CNOT9: variants seen among roughly 807,000 people sequenced by gnomAD.
CNOT9 encodes the protein CCR4-NOT transcription complex subunit 9.
In CNOT9, 8 loss-of-function variants were observed where a neutral mutation model predicts 37.4. The ratio of observed to expected loss-of-function variants is 0.21; its 90% CI spans 0.13 to 0.39. The LOEUF is 0.39. CNOT9 is among the 10% of genes least tolerant of loss of function. The probability of loss-of-function intolerance (pLI) is 1.00; values close to 1 mark genes in which losing one functional copy is unlikely to be tolerated. For synonymous variants in CNOT9, 120 were observed against 137.6 expected, an observed-to-expected ratio of 0.87 and a Z score of 0.90; for missense variants, 154 against 365.3, an observed-to-expected ratio of 0.42 and a Z score of 4.71.
intron 1 of CNOT9, among the ~76,000 whole-genome samples, chr2:218,574,794 G>A (rs1480494141): frequency 6.6e-6 from 1 of 152,148 alleles, no homozygotes; most frequent in African/African-American, 2.4e-5. Flanking sequence ...GCTGAGTATG[G>A]GGTTTACTGA....
At chr2:218,585,639 T>TTCTTTA (rs1694564285) in intron 4 of CNOT9, among the ~76,000 whole-genome samples, 1 of 40,712 alleles carries the variant, frequency 2.5e-5, no homozygotes, top group Non-Finnish European at 1.9e-4. Flanking sequence ...TTTTATTTTA[T>TTCTTTA]TTTTTTTTTT....
At chr2:218,589,430 G>A (rs1574996662) in intron 5 of CNOT9, 1 of 152,034 alleles carries the variant, frequency 6.6e-6, no homozygotes, top group Non-Finnish European at 1.5e-5. Context: ...GACCTCCTAG[G>A]TTCAGTTGAT....
chr2:218,580,831 A>T, intron 2 of CNOT9, 91 bp downstream of exon 2: 1 of 1,212,076 alleles, frequency 8.3e-7, no homozygotes, highest in Non-Finnish European at 1.2e-6. Context: ...AGACTTTAGG[A>T]GGATGATTCT....
chr2:218,576,908 A>G (rs1694189046), intron 1 of CNOT9, among the ~76,000 whole-genome samples: 1 of 151,702 alleles, frequency 6.6e-6, no homozygotes, highest in Non-Finnish European at 1.5e-5. Flanking sequence ...CGGAGGTTGC[A>G]GTAAGCTGAG....
At chr2:218,575,992 TGTC>T (rs1487647351) in intron 1 of CNOT9, among the ~76,000 whole-genome samples, 1 of 152,186 alleles carries the variant, frequency 6.6e-6, no homozygotes, top group African/African-American at 2.4e-5. Flanking sequence ...ATCTGCCTGT[TGTC>T]TGCCCATGGT....
intron 5 of CNOT9, among the ~76,000 whole-genome samples, chr2:218,589,477 T>C (rs181078249): frequency 2.6e-5 from 4 of 152,276 alleles, no homozygotes; most frequent in Non-Finnish European, 5.9e-5. Context: ...TGGGACCACA[T>C]GCCTGCTCCA....
chr2:218,569,790 A>G (rs1693910981), intron 1 of CNOT9, among the ~76,000 whole-genome samples: 1 of 152,112 alleles, frequency 6.6e-6, no homozygotes, highest in Non-Finnish European at 1.5e-5. Flanking sequence ...CCTCCTTTAC[A>G]TACACAGCAT....
intron 1 of CNOT9, among the ~76,000 whole-genome samples, chr2:218,575,387 C>CTTTTTTTTTTTTTTTTTTT (rs71064461): frequency 2.0e-4 from 25 of 127,226 alleles, no homozygotes; most frequent in Non-Finnish European, 3.1e-4. Context: ...TTTCTTTTTT[C>CTTTTTTTTTTTTTTTTTTT]TTTTTTTTTT....
At chr2:218,593,900 C>A in intron 7 of CNOT9, 1 of 1,013,470 alleles carries the variant, frequency 9.9e-7, no homozygotes, top group Non-Finnish European at 1.3e-6. Context: ...TACATTGGGG[C>A]ATCATTCAGA....
Position 218,594,372 on chromosome 2 carries a change from G to A in CNOT9, c.*96G>A, listed in dbSNP as rs1329034364. On this transcript the variant is annotated 3_prime_UTR_variant, in exon 8 of 8. Coordinates refer to ENST00000273064, the MANE Select transcript of CNOT9 (RefSeq NM_005444.3). ...CAGGTTTTATCACCGACTGGGAATA[G>A]ACAACCTCAATGCTGAACCGCACTG... 7.4e-7 allele frequency: 1 copy of A among 1,355,928 alleles called. No homozygotes were observed. The highest frequency in any genetic ancestry group is 1.4e-5 in the African/African-American group (1 of 69,320). 84.0% of individuals were successfully genotyped at this position (1,355,928 alleles called of 1,614,324 possible).
chr2:218,585,646 T>TA (rs145174806), intron 4 of CNOT9, among the ~76,000 whole-genome samples: 74,681 of 147,568 alleles, frequency 0.51, 20,811 homozygotes, highest in East Asian at 0.84. Context: ...TTATTTTTTT[T>TA]TTTTTTTTTT....
chr2:218,578,502 T>G (rs1376167949), intron 1 of CNOT9, among the ~76,000 whole-genome samples: 1 of 152,220 alleles, frequency 6.6e-6, no homozygotes, highest in Non-Finnish European at 1.5e-5. Flanking sequence ...AGCTAAGATC[T>G]TTTGGGAACT....
chr2:218,577,865 A>G (rs1305881839), intron 1 of CNOT9, among the ~76,000 whole-genome samples: 1 of 152,226 alleles, frequency 6.6e-6, no homozygotes, highest in African/African-American at 2.4e-5. Context: ...CCAGACCAGT[A>G]TCTGTGAGGC....
In CNOT9 at chr2:218,592,420, TC is replaced by T; in HGVS notation, c.639+22del. 1 of 1,591,964 alleles carries T rather than the reference TC, an allele frequency of 6.3e-7. No individual in the cohort carries two copies. On this transcript the variant is annotated intron_variant, in intron 6 of 7. Coordinates refer to ENST00000273064, the MANE Select transcript of CNOT9 (RefSeq NM_005444.3). The surrounding 1 kb of genome is among the most constrained non-coding windows in gnomAD (Gnocchi z 4.1). ...TGATCTTGGTGAGTTCTTTCATCTA[TC>T]CCCTTTACAACTACTTCTCATCACA...
intron 1 of CNOT9, among the ~76,000 whole-genome samples, chr2:218,573,338 A>C: frequency 7.0e-6 from 1 of 142,712 alleles, no homozygotes; most frequent in East Asian, 2.2e-4. Context: ...AAAAAAAAAA[A>C]GATACATTCT....
intron 5 of CNOT9, among the ~76,000 whole-genome samples, chr2:218,590,095 T>C (rs1195677954): frequency 6.6e-6 from 1 of 151,998 alleles, no homozygotes; most frequent in African/African-American, 2.4e-5. Flanking sequence ...TTTGAGACAG[T>C]CTCACTCTGT....
At chr2:218,576,426 A>G (rs1039987031) in intron 1 of CNOT9, among the ~76,000 whole-genome samples, 2 of 152,168 alleles carry the variant, frequency 1.3e-5, no homozygotes, top group Admixed American at 6.5e-5. Context: ...ATTATGCCCC[A>G]TCTGATCCAT....
At position 218,594,308 on chromosome 2, in the gene CNOT9, A is replaced by T. The variant is rs367701426; in HGVS notation, c.*32A>T. The T allele has an allele frequency of 2.4e-5, 38 of 1,573,266 alleles. No homozygotes were observed. Among genetic ancestry groups the T allele is most frequent in the Non-Finnish European group, 3.2e-5 (37 of 1,158,060 alleles). ...CCTGTTCCCTCCCACTACTCCCCCA[A>T]GTTGGGGAAAGGAGGGGGAACCTAC... On this transcript the variant is annotated 3_prime_UTR_variant, in exon 8 of 8. Transcript: ENST00000273064.
chr2:218,589,089 A>G (rs1694692265), intron 5 of CNOT9: 1 of 152,058 alleles, frequency 6.6e-6, no homozygotes. Context: ...TTTGGGTAGT[A>G]TTCAACCTCT....
Sources: gnomAD v4.1 joint callset for allele counts (sites outside exome capture counted in the v4.1 genomes callset) on GRCh38, gnomAD v4.1.1 for gene constraint, Gnocchi (gnomAD v3.1) non-coding constraint, MANE v1.5 for transcripts, NCBI Gene and HGNC (gene_info 2026-07-23, HGNC 2026-07-21) for gene names.